STRN: variants seen among roughly 807,000 people sequenced by gnomAD.
STRN encodes striatin.
Under a neutral mutation model 96.3 loss-of-function variants are expected in STRN, and 53 were observed. That is an observed-to-expected ratio of 0.55 (90% CI 0.44 to 0.69). STRN has a LOEUF of 0.69. STRN is among the 30% of genes least tolerant of loss of function. The probability of loss-of-function intolerance (pLI) is 0.00; values close to 1 mark genes in which losing one functional copy is unlikely to be tolerated. For missense variants in STRN, 987 were observed against 963.9 expected (o/e 1.02, Z -0.32); for synonymous variants, 428 against 355.9 (o/e 1.20, Z -2.28).
intron 7 of STRN, among the ~76,000 whole-genome samples, chr2:36,888,647 G>A (rs887807150): frequency 1.4e-4 from 21 of 149,512 alleles, no homozygotes; most frequent in Admixed American, 6.6e-4. Flanking sequence ...ATATGTGTGT[G>A]TGTGTGTGTG....
intron 12 of STRN, among the ~76,000 whole-genome samples, chr2:36,862,089 A>C (rs949985462): frequency 2.6e-5 from 4 of 152,192 alleles, no homozygotes; most frequent in Non-Finnish European, 5.9e-5. Context: ...TTTCCTGCAA[A>C]GGACAGGATC....
At position 36,966,488 on chromosome 2, in the gene STRN, TG is replaced by T; in HGVS notation, c.-26del. On this transcript the variant is annotated 5_prime_UTR_variant, in exon 1 of 18. Transcript: ENST00000263918. ...TGGCGGCCGCAGATACCCGGGGAGC[TG>T]CCCCGGCGCCCAGCAGCGGAGGCAA... 1 of 1,405,802 alleles carries T rather than the reference TG, an allele frequency of 7.1e-7. No homozygotes were observed. The highest frequency in any genetic ancestry group is 9.2e-7 in the Non-Finnish European group (1 of 1,083,842). The allele number at this position is 1,405,802 out of a possible 1,614,324, so 87.1% of individuals were successfully genotyped here. A position where few individuals can be genotyped will look rare whatever the true frequency, so the allele number is the denominator to read the frequency against.
At chr2:36,889,626 G>T (rs1356260118) in intron 7 of STRN, among the ~76,000 whole-genome samples, 2 of 125,270 alleles carry the variant, frequency 1.6e-5, no homozygotes, top group African/African-American at 3.0e-5. Context: ...TTTGGGGGGG[G>T]TGGGGGGGAG....
chr2:36,862,278 T>C (rs761855290), intron 12 of STRN, among the ~76,000 whole-genome samples: 1 of 152,214 alleles, frequency 6.6e-6, no homozygotes, highest in Admixed American at 6.5e-5. Context: ...ATATACCTAA[T>C]AATGCTAGGT....
rs372466142 is a variant in STRN at position 36,958,997 on chromosome 2, T to C, written c.234+7233A>G. Among the ~76,000 whole-genome samples the C allele has an allele frequency of 3.3e-5, 5 of 152,168 alleles. No individual in the cohort carries two copies. The South Asian group carries it at 1.0e-3, about 32-fold the overall frequency. ...AGGGCATGGTGGCGGGCGTCTGTAG[T>C]CCCAGCTACTCGGGAGGCTGAGGCA... On this transcript the variant is annotated intron_variant, in intron 1 of 17. Transcript: ENST00000263918.
chr2:36,851,769 C>T (rs190010771), intron 15 of STRN, among the ~76,000 whole-genome samples: 351 of 152,280 alleles, frequency 2.3e-3, no homozygotes, highest in Non-Finnish European at 3.9e-3. Context: ...AAATTTAAAT[C>T]TCAGCTCTTT....
Position 36,905,615 on chromosome 2 carries a change from T to A in STRN, c.416A>T (p.Glu139Val), listed in dbSNP as rs773699504. 6.2e-7 allele frequency: 1 copy of A among 1,612,790 alleles called. No homozygotes were observed. Among genetic ancestry groups the A allele is most frequent in the Non-Finnish European group, 8.5e-7 (1 of 1,179,860 alleles). ...DMKPPSYDSD[E>V]GNETEVQPQQ... is the part of the protein sequence containing the mutation. ...TGGCTGCACTTCTGTTTCATTACCT[T>A]CATCTAGAAAACATTAAGTCATAAT... Residue 139 changes from glutamate to valine, a missense_variant, in exon 4 of 18, where the codon GAA becomes GTA. Glu to Val is a moderately radical substitution (Grantham distance 121, BLOSUM62 -2). Coordinates refer to ENST00000263918, the MANE Select transcript of STRN (RefSeq NM_003162.4).
intron 4 of STRN, among the ~76,000 whole-genome samples, chr2:36,904,822 C>T (rs1669776854): frequency 6.6e-6 from 1 of 151,648 alleles, no homozygotes; most frequent in Non-Finnish European, 1.5e-5. Context: ...AGTGAGACTC[C>T]ATCTCAAATG....
chr2:36,859,054 G>C (rs2245109), intron 13 of STRN, among the ~76,000 whole-genome samples: 60,531 of 152,064 alleles, frequency 0.4, 14,111 homozygotes, highest in Non-Finnish European at 0.52. Context: ...AAATGTATAA[G>C]CAATTCAGTA....
In STRN at chr2:36,905,572, T is replaced by A. The variant is rs778874769; in HGVS notation, c.459A>T (p.Leu153Phe). 5 of 1,613,710 alleles carry A rather than the reference T, an allele frequency of 3.1e-6. No homozygotes were observed. Among genetic ancestry groups the A allele is most frequent in the Non-Finnish European group, 4.2e-6 (5 of 1,179,922 alleles). ...GTAGTTGTCGACCTTGTTTCCACAT[T>A]AACTGGCTGTTTTGTTGTGGCTGCA... ...TEVQPQQNSQ[L>F]MWKQGRQLLR... Residue 153 changes from leucine (L) to phenylalanine (F), a missense_variant, in exon 4 of 18, where the codon TTA becomes TTT. By Grantham distance (22) the Leu-to-Phe change is conservative. Coordinates refer to ENST00000263918, the MANE Select transcript of STRN (RefSeq NM_003162.4).
intron 2 of STRN, among the ~76,000 whole-genome samples, chr2:36,918,259 G>T (rs965006213): frequency 6.6e-6 from 1 of 152,000 alleles, no homozygotes; most frequent in African/African-American, 2.4e-5. Context: ...CTGACTTGCA[G>T]TTACTAGAAA....
At chr2:36,878,846 G>A (rs997670529) in intron 9 of STRN, among the ~76,000 whole-genome samples, 3 of 151,908 alleles carry the variant, frequency 2.0e-5, no homozygotes, top group African/African-American at 7.3e-5. Context: ...TCCACCTCCT[G>A]GGTTCAAGAA....
At chr2:36,914,093 G>A (rs1670030835) in intron 3 of STRN, among the ~76,000 whole-genome samples, 1 of 152,064 alleles carries the variant, frequency 6.6e-6, no homozygotes, top group South Asian at 2.1e-4. Flanking sequence ...GAGCCCAAGT[G>A]ATCCTTTCAC....
At chr2:36,926,087 G>T (rs1670401510) in intron 1 of STRN, among the ~76,000 whole-genome samples, 1 of 152,130 alleles carries the variant, frequency 6.6e-6, no homozygotes, top group Non-Finnish European at 1.5e-5. Flanking sequence ...TTGGGAAAAG[G>T]AAAATTAGAG....
chr2:36,964,381 C>T (rs903408726), intron 1 of STRN, among the ~76,000 whole-genome samples: 2 of 151,738 alleles, frequency 1.3e-5, no homozygotes, highest in South Asian at 2.1e-4. Flanking sequence ...AACTGCACAA[C>T]ATTAAAGTTA....
intron 9 of STRN, among the ~76,000 whole-genome samples, chr2:36,880,421 CAG>C (rs750061856): frequency 1.3e-3 from 195 of 152,240 alleles, no homozygotes; most frequent in Admixed American, 3.2e-3. Context: ...ACCTAGGCAA[CAG>C]AGCAAGACCA....
At chr2:36,851,921 A>T (rs987185693) in intron 15 of STRN, among the ~76,000 whole-genome samples, 5 of 152,322 alleles carry the variant, frequency 3.3e-5, no homozygotes, top group African/African-American at 1.2e-4. Context: ...TGGAATCCTA[A>T]AAGTCAGCAT....
intron 1 of STRN, among the ~76,000 whole-genome samples, chr2:36,961,410 G>C (rs1665027646): frequency 6.6e-6 from 1 of 151,948 alleles, no homozygotes; most frequent in Admixed American, 6.6e-5. Flanking sequence ...TACAGGTTTT[G>C]AGCCACTGCA....
At chr2:36,943,041 C>T (rs545568044) in intron 1 of STRN, among the ~76,000 whole-genome samples, 1 of 152,040 alleles carries the variant, frequency 6.6e-6, no homozygotes, top group East Asian at 1.9e-4. Flanking sequence ...TTAATGTATG[C>T]TTCTTTGATG....
Sources: gnomAD v4.1 joint callset for allele counts (sites outside exome capture counted in the v4.1 genomes callset) on GRCh38, gnomAD v4.1.1 for gene constraint, MANE v1.5 for transcripts, NCBI Gene and HGNC (gene_info 2026-07-23, HGNC 2026-07-21) for gene names.